NAPA: variants seen among roughly 807,000 people sequenced by gnomAD.
NAPA encodes alpha-soluble NSF attachment protein.
A neutral mutation model predicts 48.0 loss-of-function variants in NAPA; 18 were observed. That is an observed-to-expected ratio of 0.38 (90% CI 0.26 to 0.56). The LOEUF (loss-of-function observed/expected upper bound fraction) is 0.56, where lower values mean the gene tolerates loss of function less well. Ranked by LOEUF, NAPA falls within the 20% of genes least tolerant of loss-of-function variation. The pLI is 0.77. For synonymous variants in NAPA, 152 were observed against 149.9 expected (o/e 1.01, Z -0.10); for missense variants, 315 against 385.0 (o/e 0.82, Z 1.52).
chr19:47,513,998 G>C (rs1968857124), intron 1 of NAPA, among the ~76,000 whole-genome samples: 1 of 151,204 alleles, frequency 6.6e-6, no homozygotes, highest in Non-Finnish European at 1.5e-5. Flanking sequence ...ACAGGTACCC[G>C]CCACCAGGCC....
intron 2 of NAPA, among the ~76,000 whole-genome samples, chr19:47,503,096 T>C (rs1968615851): frequency 6.6e-6 from 1 of 152,236 alleles, no homozygotes; most frequent in African/African-American, 2.4e-5. Context: ...ATTTAGACAC[T>C]GATGGAAGCA....
chr19:47,512,320 T>C (rs1968820395), intron 1 of NAPA, among the ~76,000 whole-genome samples: 1 of 152,238 alleles, frequency 6.6e-6, no homozygotes, highest in South Asian at 2.1e-4. Flanking sequence ...CTGGGATTCC[T>C]TGGGGCCCAG....
At chr19:47,489,689 G>GC (rs775831420) in intron 10 of NAPA, 22 bp downstream of exon 10, 7 of 1,613,524 alleles carry the variant, frequency 4.3e-6, no homozygotes, top group South Asian at 2.2e-5. Context: ...AAGGGGCCTG[G>GC]CCCCCCATGC....
At chr19:47,492,291 G>A (rs1206044793) in intron 7 of NAPA, 172 bp from the exon 8 acceptor site, 7 of 598,894 alleles carry the variant, frequency 1.2e-5, no homozygotes, top group African/African-American at 5.6e-5. Context: ...AGAGGTCAGC[G>A]GCCAGTGCGT....
intron 1 of NAPA, chr19:47,505,323 G>A (rs1968672083): frequency 6.6e-6 from 1 of 152,118 alleles, no homozygotes; most frequent in African/African-American, 2.4e-5. Flanking sequence ...GTGTCAACTG[G>A]CCCAACATTA....
At chr19:47,489,589 TCA>T in intron 10 of NAPA, 120 bp downstream of exon 10, 1 of 1,136,398 alleles carries the variant, frequency 8.8e-7, no homozygotes, top group Non-Finnish European at 1.3e-6. Context: ...AGAAAGAACT[TCA>T]CAGTGGGCTG....
Position 47,500,769 on chromosome 19 carries a change from C to A in NAPA, c.179-20G>T. On this transcript the variant is annotated intron_variant, in intron 2 of 10. Transcript: ENST00000263354. ...CAGCAGCTGGAACAGAAGAGAAGGG[C>A]AGTCCTGGCCTCAGTGGGGCTCCAC... The A allele has an allele frequency of 6.4e-7, 1 of 1,567,736 alleles. No homozygotes were observed. Among genetic ancestry groups the A allele is most frequent in the Non-Finnish European group, 8.7e-7 (1 of 1,152,416 alleles).
intron 4 of NAPA, 94 bp downstream of exon 4, chr19:47,495,456 A>G (rs1968395931): frequency 3.6e-6 from 5 of 1,380,930 alleles, no homozygotes; most frequent in Non-Finnish European, 4.1e-6. Context: ...TGGCCGCAGA[A>G]TAAGAACAGT....
At chr19:47,490,764 G>A (rs757388930) in intron 9 of NAPA, 24 bp downstream of exon 9, 16 of 1,610,568 alleles carry the variant, frequency 9.9e-6, no homozygotes, top group Middle Eastern at 1.7e-4. Flanking sequence ...CGGGAAGGGG[G>A]AGGCCGGAGC....
Position 47,491,999 on chromosome 19 carries a change from G to T in NAPA, c.666+16C>A. ...GTGGCCTGGTGCGGTGGTCCTGCGG[G>T]CGTGGGGTGTGCTACCTTGGCGTTG... On this transcript the variant is annotated intron_variant, in intron 8 of 10. Transcript: ENST00000263354. The T allele has an allele frequency of 6.2e-7, 1 of 1,609,690 alleles. No individual in the cohort carries two copies. The highest frequency in any genetic ancestry group is 8.5e-7 in the Non-Finnish European group (1 of 1,176,422).
chr19:47,509,279 T>G (rs1968754745), intron 1 of NAPA, among the ~76,000 whole-genome samples: 1 of 145,652 alleles, frequency 6.9e-6, no homozygotes, highest in African/African-American at 2.6e-5. Context: ...AGAGAGTTTC[T>G]TGTGGTGGTA....
intron 4 of NAPA, chr19:47,495,236 C>T (rs1968390026): frequency 2.5e-6 from 1 of 406,644 alleles, no homozygotes; most frequent in East Asian, 4.2e-5. Context: ...CCAAAAGATC[C>T]TCCCACCTCA....
chr19:47,509,035 C>T (rs1281064706), intron 1 of NAPA, among the ~76,000 whole-genome samples: 1 of 151,930 alleles, frequency 6.6e-6, no homozygotes, highest in Non-Finnish European at 1.5e-5. Context: ...ATGATCGCGC[C>T]ACTGCCCTCC....
intron 8 of NAPA, among the ~76,000 whole-genome samples, chr19:47,491,636 A>G (rs1201785488): frequency 1.3e-5 from 2 of 152,198 alleles, no homozygotes; most frequent in Non-Finnish European, 2.9e-5. Flanking sequence ...AAGATCTGGA[A>G]CACTGGGGCT....
At chr19:47,499,123 C>G (rs1212097731) in intron 3 of NAPA, among the ~76,000 whole-genome samples, 1 of 152,240 alleles carries the variant, frequency 6.6e-6, no homozygotes, top group Admixed American at 6.5e-5. Context: ...CAGGCCCACA[C>G]CCTGCAGAGT....
intron 1 of NAPA, among the ~76,000 whole-genome samples, chr19:47,510,964 AGCGTCTG>A (rs1216322570): frequency 6.6e-6 from 1 of 152,206 alleles, no homozygotes; most frequent in East Asian, 1.9e-4. Flanking sequence ...AAAGCCCCCT[AGCGTCTG>A]GCAGCCCAGA....
rs771428237 is a variant in NAPA, at chr19:47,493,085, C to T, written c.476+34G>A. ...GTAGTGAGGGGAAGTGGTGGCGGTC[C>T]CTGCGGGGCTGGGGCAGGCAGGAAG... is the stretch of plus-strand genomic sequence containing the variant. On this transcript the variant is annotated intron_variant, in intron 6 of 10. Transcript: ENST00000263354. This position sits in a 1 kb window ranked among gnomAD's most constrained non-coding sequence, Gnocchi z 6.4. 5 of 1,613,962 alleles carry T rather than the reference C, an allele frequency of 3.1e-6. No homozygotes were observed. Among genetic ancestry groups the T allele is most frequent in the Non-Finnish European group, 4.2e-6 (5 of 1,179,914 alleles).
At chr19:47,511,594 G>A (rs1207170973) in intron 1 of NAPA, among the ~76,000 whole-genome samples, 1 of 152,224 alleles carries the variant, frequency 6.6e-6, no homozygotes, top group Non-Finnish European at 1.5e-5. Flanking sequence ...GAACCTTGAG[G>A]AGAAACTACC....
intron 1 of NAPA, among the ~76,000 whole-genome samples, chr19:47,513,799 C>T (rs566251494): frequency 6.6e-6 from 1 of 150,854 alleles, no homozygotes; most frequent in African/African-American, 2.4e-5. Context: ...ACCCAGGAGT[C>T]TCCAGCCTCA....
Sources: allele counts gnomAD v4.1 joint callset (sites outside exome capture counted in the v4.1 genomes callset), GRCh38; gene constraint gnomAD v4.1.1; non-coding constraint Gnocchi (gnomAD v3.1); transcripts MANE v1.5; gene names NCBI Gene and HGNC (gene_info 2026-07-23, HGNC 2026-07-21).